The following ARHGAP44 variants were observed in gnomAD, a reference collection of about 807,000 sequenced individuals.
ARHGAP44 encodes the protein Rho GTPase activating protein 44.
Under a neutral mutation model 106.8 loss-of-function variants are expected in ARHGAP44, and 43 were observed. That is an observed-to-expected ratio of 0.40 (90% CI 0.32 to 0.52). ARHGAP44 has a LOEUF of 0.52. Among genes scored for constraint, ARHGAP44 ranks in the 20% least tolerant of loss-of-function variants. The pLI, the probability that ARHGAP44 is intolerant of heterozygous loss-of-function variation, is 0.48. For synonymous variants in ARHGAP44, 439 were observed against 410.3 expected (o/e 1.07, Z -0.85); for missense variants, 866 against 1,050.5 (o/e 0.82, Z 2.43).
intron 4 of ARHGAP44, among the ~76,000 whole-genome samples, chr17:12,914,240 T>A (rs1417371018): frequency 1.3e-5 from 2 of 152,154 alleles, no homozygotes; most frequent in Non-Finnish European, 2.9e-5. Context: ...ATAATTTGTA[T>A]CCACCAGTTT....
intron 13 of ARHGAP44, among the ~76,000 whole-genome samples, chr17:12,954,840 C>G (rs1289192767): frequency 6.6e-6 from 1 of 151,992 alleles, no homozygotes; most frequent in Non-Finnish European, 1.5e-5. Context: ...TTTGTTGGCT[C>G]TTTTTATAAA....
At chr17:12,849,466 C>T (rs1597935664) in intron 1 of ARHGAP44, among the ~76,000 whole-genome samples, 1 of 151,734 alleles carries the variant, frequency 6.6e-6, no homozygotes, top group Non-Finnish European at 1.5e-5. Flanking sequence ...CACCTGAATC[C>T]GATTTTCTGT....
Position 12,984,656 on chromosome 17 carries a change from C to T in ARHGAP44, c.2065C>T (p.Pro689Ser). The T allele has an allele frequency of 6.2e-7, 1 of 1,613,046 alleles. No individual in the cohort carries two copies. Among genetic ancestry groups the T allele is most frequent in the Non-Finnish European group, 8.5e-7 (1 of 1,179,572 alleles). The stretch of plus-strand genomic sequence containing the variant: ...CCCCACCCCGCCCAGCACCCCGTCA[C>T]CCTATGGACTGAGCTACCCTCAGGG... Reference protein sequence around the residue: ...LSPTPPSTPSPYGLSYPQGYS... With the variant: ...LSPTPPSTPSSYGLSYPQGYS... Residue 689 changes from proline to serine, a missense_variant, in exon 20 of 21, where the codon CCC becomes TCC. Around this residue, in one of 2 missense-constraint regions of ARHGAP44, gnomAD observed 418 missense variants for 403.6 expected, o/e 1.04. Transcript: ENST00000379672.
chr17:12,847,648 G>A (rs1443736614), intron 1 of ARHGAP44, among the ~76,000 whole-genome samples: 1 of 151,750 alleles, frequency 6.6e-6, no homozygotes, highest in Non-Finnish European at 1.5e-5. Context: ...CCAGTAGCTG[G>A]GACTACAGGT....
intron 19 of ARHGAP44, among the ~76,000 whole-genome samples, chr17:12,982,046 C>T (rs1266163976): frequency 6.6e-6 from 1 of 152,110 alleles, no homozygotes; most frequent in Non-Finnish European, 1.5e-5. Flanking sequence ...CCCCACAGCA[C>T]TACAATACAG....
At chr17:12,861,679 C>CACCCAG (rs57280683) in intron 1 of ARHGAP44, among the ~76,000 whole-genome samples, 125,907 of 126,444 alleles carry the variant, frequency 1, 62,690 homozygotes, top group East Asian at 1. Context: ...CTTGCTCAGT[C>CACCCAG]GCTGGAGTGC....
chr17:12,959,701 T>A (rs2039212852), intron 16 of ARHGAP44, among the ~76,000 whole-genome samples: 1 of 152,208 alleles, frequency 6.6e-6, no homozygotes, highest in Non-Finnish European at 1.5e-5. Flanking sequence ...GAGGGGATCG[T>A]CTTGGTTGGT....
At chr17:12,983,958 A>G (rs2039894720) in intron 19 of ARHGAP44, among the ~76,000 whole-genome samples, 1 of 152,240 alleles carries the variant, frequency 6.6e-6, no homozygotes, top group African/African-American at 2.4e-5. Flanking sequence ...CACAGCATAT[A>G]AAGTAATGAA....
At position 12,979,318 on chromosome 17, in the gene ARHGAP44, C is replaced by T. The variant is rs146222849; in HGVS notation, c.1764-740C>T. On this transcript the variant is annotated intron_variant, in intron 18 of 20. Transcript: ENST00000379672. ...CCTCAGAAGAAGGCTGAGGAACAGCCTTGCAGTAACGATGAATCCTCTTTA... is the reference window on the plus strand; with the variant it reads ...CCTCAGAAGAAGGCTGAGGAACAGCTTTGCAGTAACGATGAATCCTCTTTA... Among the ~76,000 whole-genome samples the T allele has an allele frequency of 2.0e-3, 309 of 152,236 alleles. 2 individuals are homozygous for T. The highest frequency in any genetic ancestry group is 6.8e-3 in the Middle Eastern group (2 of 294).
At position 12,990,049 on chromosome 17, in the gene ARHGAP44, A is replaced by G; in HGVS notation, c.2335A>G (p.Ile779Val). 1 of 1,604,754 alleles carries G rather than the reference A, an allele frequency of 6.2e-7. No homozygotes were observed. Among genetic ancestry groups the G allele is most frequent in the Non-Finnish European group, 8.5e-7 (1 of 1,172,112 alleles). The part of the protein sequence containing the change: ...SMSTDLVHFD[I>V]PSIHIELGST... ...CCTTCCAGATCTTGTCCACTTTGATATTCCCTCGATCCACATAGAGCTCGG... is the reference window on the plus strand; with the variant it reads ...CCTTCCAGATCTTGTCCACTTTGATGTTCCCTCGATCCACATAGAGCTCGG... The change falls in exon 21 of 21, where the codon ATT (isoleucine) becomes GTT (valine). Residue 779 changes from isoleucine to valine, a missense_variant. Ile to Val is a conservative substitution (Grantham distance 29). Transcript: ENST00000379672.
chr17:12,964,730 T>G (rs1027133857), intron 16 of ARHGAP44, among the ~76,000 whole-genome samples: 2 of 151,982 alleles, frequency 1.3e-5, no homozygotes, highest in Admixed American at 6.5e-5. Flanking sequence ...GAGGTTGCAG[T>G]GAGCCAAGAT....
intron 4 of ARHGAP44, among the ~76,000 whole-genome samples, chr17:12,913,473 T>C (rs1598043686): frequency 6.6e-6 from 1 of 152,262 alleles, no homozygotes; most frequent in South Asian, 2.1e-4. Flanking sequence ...ATAATAAGCA[T>C]TTATTAATAT....
At chr17:12,817,688 A>G (rs2034636578) in intron 1 of ARHGAP44, among the ~76,000 whole-genome samples, 1 of 152,090 alleles carries the variant, frequency 6.6e-6, no homozygotes, top group Admixed American at 6.5e-5. Flanking sequence ...AAACAACGGG[A>G]TATCACTGCA....
chr17:12,822,355 A>G (rs201396955), intron 1 of ARHGAP44, among the ~76,000 whole-genome samples: 1 of 101,850 alleles, frequency 9.8e-6, no homozygotes, highest in African/African-American at 5.6e-5. Flanking sequence ...AAAAATCCAG[A>G]TGATGGGCAG....
chr17:12,811,076 G>A (rs1431813116), intron 1 of ARHGAP44, among the ~76,000 whole-genome samples: 2 of 152,106 alleles, frequency 1.3e-5, no homozygotes, highest in Admixed American at 6.5e-5. Context: ...ACTTTAGGAG[G>A]CTGAGACGGG....
chr17:12,799,675 G>T (rs1450051599), intron 1 of ARHGAP44, among the ~76,000 whole-genome samples: 2 of 152,058 alleles, frequency 1.3e-5, no homozygotes, highest in African/African-American at 4.8e-5. Context: ...TCTCTGCCCC[G>T]CCCTACCCTC....
chr17:12,801,502 T>C (rs1167447727), intron 1 of ARHGAP44, among the ~76,000 whole-genome samples: 1 of 152,210 alleles, frequency 6.6e-6, no homozygotes, highest in Non-Finnish European at 1.5e-5. Context: ...GGCTCTGACA[T>C]TGATATTTTT....
intron 13 of ARHGAP44, among the ~76,000 whole-genome samples, chr17:12,955,397 C>CA (rs2039101514): frequency 6.6e-6 from 1 of 152,134 alleles, no homozygotes; most frequent in African/African-American, 2.4e-5. Flanking sequence ...GGATCATATA[C>CA]TAAGTCTGTG....
chr17:12,878,265 A>G (rs778665347), intron 1 of ARHGAP44, among the ~76,000 whole-genome samples: 1 of 150,828 alleles, frequency 6.6e-6, no homozygotes, highest in Non-Finnish European at 1.5e-5. Flanking sequence ...CTATTTTTTC[A>G]TGGAACAAAT....
Sources: gnomAD v4.1 joint callset for allele counts (sites outside exome capture counted in the v4.1 genomes callset) on GRCh38, gnomAD v4.1.1 for gene constraint, gnomAD v4.1.1 regional missense constraint, MANE v1.5 for transcripts, NCBI Gene and HGNC (gene_info 2026-07-23, HGNC 2026-07-21) for gene names.